The following PHF21B variants were observed in gnomAD, a reference collection of about 807,000 sequenced individuals.
PHF21B encodes the protein PHD finger protein 21B.
A neutral mutation model predicts 62.2 loss-of-function variants in PHF21B; 22 were observed. The ratio of observed to expected loss-of-function variants is 0.35; its 90% confidence interval spans 0.25 to 0.51. PHF21B has a LOEUF of 0.51. Among genes scored for constraint, PHF21B ranks in the 20% least tolerant of loss-of-function variants. The pLI is 0.97. For missense variants in PHF21B, 701 were observed against 707.9 expected (o/e 0.99, Z 0.11); for synonymous variants, 341 against 314.7 (o/e 1.08, Z -0.88).
At chr22:44,955,573 G>C (rs2072279591) in intron 2 of PHF21B, among the ~76,000 whole-genome samples, 2 of 152,226 alleles carry the variant, frequency 1.3e-5, no homozygotes, top group African/African-American at 2.4e-5. Flanking sequence ...AGGCGGGGAA[G>C]GGTGGCTTCT....
At chr22:44,890,971 G>A (rs1480100375) in intron 8 of PHF21B, among the ~76,000 whole-genome samples, 1 of 152,244 alleles carries the variant, frequency 6.6e-6, no homozygotes, top group Non-Finnish European at 1.5e-5. Context: ...ATCAGAGGCC[G>A]CCCGCGTGTG....
In PHF21B at chr22:44,918,481, C is replaced by T. The variant is rs193010604; in HGVS notation, c.214-1851G>A. On this transcript the variant is annotated intron_variant, in intron 3 of 12. Transcript: ENST00000313237. ...ACCTTGGAGCTTATCATCTTTCTGC[C>T]TGTGCCTCCTGGCCTGTATGCAGCC... Among the ~76,000 whole-genome samples, 5 of 152,362 alleles carry T rather than the reference C, an allele frequency of 3.3e-5. No homozygotes were observed. In the East Asian group the frequency reaches 7.7e-4, roughly 24 times the overall value.
intron 4 of PHF21B, 44 bp from the exon 5 acceptor site, chr22:44,914,132 A>T: frequency 2.0e-4 from 44 of 224,956 alleles, no homozygotes; most frequent in Middle Eastern, 1.1e-3. Context: ...GGGAAGAGTG[A>T]GGGGGGCTGG....
At chr22:44,972,964 G>A (rs1344713324) in intron 2 of PHF21B, among the ~76,000 whole-genome samples, 2 of 152,178 alleles carry the variant, frequency 1.3e-5, no homozygotes, top group South Asian at 2.1e-4. Flanking sequence ...CACCCTCCCC[G>A]CCATGCAGGA....
chr22:44,977,510 A>T (rs2072759487), intron 2 of PHF21B, among the ~76,000 whole-genome samples: 1 of 152,004 alleles, frequency 6.6e-6, no homozygotes, highest in South Asian at 2.1e-4. Flanking sequence ...GGTTGCAGTG[A>T]GATGCGATCA....
intron 2 of PHF21B, among the ~76,000 whole-genome samples, chr22:44,967,411 C>T (rs572456881): frequency 6.6e-5 from 10 of 152,024 alleles, no homozygotes; most frequent in South Asian, 2.1e-4. Context: ...TTAGTAGAGA[C>T]GGGGTTTCAC....
At chr22:44,973,421 C>T (rs139771521) in intron 2 of PHF21B, among the ~76,000 whole-genome samples, 122 of 152,300 alleles carry the variant, frequency 8.0e-4, no homozygotes, top group African/African-American at 2.6e-3. Flanking sequence ...AAACAGCCAA[C>T]CCTAAAACTA....
chr22:44,897,800 G>T (rs1170268641), intron 5 of PHF21B, among the ~76,000 whole-genome samples: 3 of 151,962 alleles, frequency 2.0e-5, no homozygotes, highest in Non-Finnish European at 1.5e-5. Context: ...TACTTTATTT[G>T]GATTTCTTTA....
intron 2 of PHF21B, among the ~76,000 whole-genome samples, chr22:44,923,122 T>C (rs894993405): frequency 6.6e-6 from 1 of 152,158 alleles, no homozygotes; most frequent in African/African-American, 2.4e-5. Context: ...CAGTGTAGTA[T>C]TGGTGTTAAG....
chr22:44,895,275 G>C (rs902056829), intron 6 of PHF21B, among the ~76,000 whole-genome samples: 1 of 152,094 alleles, frequency 6.6e-6, no homozygotes, highest in Non-Finnish European at 1.5e-5. Flanking sequence ...GGCTGGTTTC[G>C]AGGCTTCCCA....
intron 2 of PHF21B, among the ~76,000 whole-genome samples, chr22:44,988,738 T>C (rs1024679893): frequency 3.9e-5 from 6 of 152,280 alleles, no homozygotes; most frequent in Admixed American, 3.3e-4. Flanking sequence ...GAAAAAAGCA[T>C]TGTGGAAGTT....
intron 2 of PHF21B, chr22:44,971,517 C>T (rs1290687743): frequency 6.6e-6 from 1 of 152,398 alleles, no homozygotes; most frequent in East Asian, 1.9e-4. Flanking sequence ...GGACCAATTT[C>T]CACTGTGTCC....
chr22:44,935,250 C>T (rs969097658), intron 2 of PHF21B, among the ~76,000 whole-genome samples: 1 of 152,154 alleles, frequency 6.6e-6, no homozygotes, highest in Non-Finnish European at 1.5e-5. Context: ...CTCAAACTCC[C>T]CGAGCCCCAG....
intron 2 of PHF21B, chr22:45,001,092 A>G (rs2073209143): frequency 6.6e-6 from 1 of 152,180 alleles, no homozygotes. Flanking sequence ...TTCCGGCTCC[A>G]TCACCTTTTA....
chr22:44,923,798 T>A (rs5765089), intron 2 of PHF21B, among the ~76,000 whole-genome samples: 3 of 152,018 alleles, frequency 2.0e-5, no homozygotes, highest in Non-Finnish European at 2.9e-5. Context: ...TAGGCCAATC[T>A]CTTGAGGCCA....
intron 3 of PHF21B, among the ~76,000 whole-genome samples, chr22:44,918,431 A>C (rs770589821): frequency 6.6e-6 from 1 of 152,178 alleles, no homozygotes; most frequent in Non-Finnish European, 1.5e-5. Context: ...GGCCTGAGCC[A>C]CCCCACAGAG....
intron 2 of PHF21B, among the ~76,000 whole-genome samples, chr22:44,956,954 C>T (rs896512880): frequency 1.3e-5 from 2 of 152,248 alleles, no homozygotes; most frequent in African/African-American, 4.8e-5. Flanking sequence ...TCACCAACCA[C>T]AGGGAAAGAG....
intron 2 of PHF21B, among the ~76,000 whole-genome samples, chr22:44,936,868 T>TGC (rs2071858685): frequency 1.6e-5 from 1 of 63,914 alleles, no homozygotes; most frequent in Non-Finnish European, 3.1e-5. Flanking sequence ...TCCACTTTCT[T>TGC]TCTTTTTTTT....
intron 5 of PHF21B, among the ~76,000 whole-genome samples, chr22:44,901,139 C>T (rs2147273043): frequency 6.6e-6 from 1 of 152,300 alleles, no homozygotes; most frequent in Admixed American, 6.5e-5. Context: ...AGCAGCTCGG[C>T]CAATCAGTAC....
Sources: gnomAD v4.1 joint callset for allele counts (sites outside exome capture counted in the v4.1 genomes callset) on GRCh38, gnomAD v4.1.1 for gene constraint, MANE v1.5 for transcripts, NCBI Gene and HGNC (gene_info 2026-07-23, HGNC 2026-07-21) for gene names.